CTBP2: variants seen among roughly 807,000 people sequenced by gnomAD.
CTBP2 encodes the protein C-terminal binding protein 2, also known as C-terminal-binding protein 2.
Under a neutral mutation model 80.3 loss-of-function variants are expected in CTBP2, and 30 were observed. The observed-to-expected ratio is 0.37, with a 90% CI of 0.28 to 0.51. The LOEUF (loss-of-function observed/expected upper bound fraction) is 0.51. Ranked by LOEUF, CTBP2 falls within the 20% of genes least tolerant of loss-of-function variation. The probability of loss-of-function intolerance (pLI) is 0.93; values close to 1 mark genes in which losing one functional copy is unlikely to be tolerated. For missense variants in CTBP2, 1,212 were observed against 1,375.3 expected (o/e 0.88, Z 1.88); for synonymous variants, 594 against 587.4 (o/e 1.01, Z -0.16).
At chr10:125,013,737 G>A (rs1956177618) in intron 1 of CTBP2, among the ~76,000 whole-genome samples, 1 of 152,136 alleles carries the variant, frequency 6.6e-6, no homozygotes, top group Non-Finnish European at 1.5e-5. Context: ...ATGGAGTCAG[G>A]ACTCAAACTC....
At chr10:125,102,520 G>C (rs75490304) in intron 2 of CTBP2, among the ~76,000 whole-genome samples, 1 of 152,206 alleles carries the variant, frequency 6.6e-6, no homozygotes, top group East Asian at 1.9e-4. Flanking sequence ...GGGTTTGCAG[G>C]GGGGTGGGGA....
rs111940280 is a variant in CTBP2 at position 124,997,796 on chromosome 10, T to C, written c.2185+168A>G. The C allele has an allele frequency of 2.1e-5, 14 of 654,986 alleles. No individual in the cohort carries two copies. The African/African-American group carries it at 2.4e-4, about 11-fold the overall frequency. 40.6% of individuals were successfully genotyped at this position (654,986 alleles called of 1,614,324 possible). On this transcript the variant is annotated intron_variant, in intron 4 of 8. Transcript: ENST00000309035. ...GATCCTGCCTCTAGGGTGAGTTGCC[T>C]GATGGGTCTTGACTCCGATCTCCTA...
chr10:125,081,388 T>C (rs1049503412), intron 2 of CTBP2, among the ~76,000 whole-genome samples: 2 of 152,246 alleles, frequency 1.3e-5, no homozygotes, highest in Non-Finnish European at 2.9e-5. Flanking sequence ...TCAATGTTAA[T>C]TTCCTGACCT....
chr10:125,123,520 C>T lies in CTBP2; in HGVS notation c.-205-12427G>A, dbSNP rs142388244. Among the ~76,000 whole-genome samples, 83 of 152,296 alleles carry T rather than the reference C, an allele frequency of 5.4e-4. 1 individual carries two copies. The East Asian group carries it at 0.013, about 23-fold the overall frequency. ...AAAATAAGTTTAATTTTTAAAATAA[C>T]AGATTTGTCATTTTTTGGTTTATGT... On this transcript the variant is annotated intron_variant, in intron 1 of 10. Transcript: ENST00000337195.
At chr10:125,116,891 A>C (rs1326258154) in intron 1 of CTBP2, among the ~76,000 whole-genome samples, 2 of 152,212 alleles carry the variant, frequency 1.3e-5, no homozygotes, top group African/African-American at 4.8e-5. Context: ...GCTCTGCCCC[A>C]AAACTGACCT....
At chr10:125,022,252 G>A (rs753204187) in intron 1 of CTBP2, among the ~76,000 whole-genome samples, 1 of 152,214 alleles carries the variant, frequency 6.6e-6, no homozygotes, top group Non-Finnish European at 1.5e-5. Flanking sequence ...TGGCCAAGAA[G>A]CCCTGGAGCT....
intron 2 of CTBP2, among the ~76,000 whole-genome samples, chr10:125,082,726 C>G (rs900591215): frequency 1.3e-5 from 2 of 151,924 alleles, no homozygotes; most frequent in African/African-American, 4.8e-5. Flanking sequence ...TAGCTGCGAC[C>G]ACAGGTGCAC....
chr10:125,160,758 C>A (rs187738747), upstream of CTBP2: 10,645 of 130,094 alleles, frequency 0.082, 614 homozygotes, highest in Admixed American at 0.12. Context: ...CGGCCCCGCG[C>A]CCTCCCGCCC....
intron 2 of CTBP2, among the ~76,000 whole-genome samples, chr10:125,090,744 A>AT (rs745776253): frequency 3.3e-5 from 5 of 151,200 alleles, no homozygotes; most frequent in Non-Finnish European, 7.4e-5. Flanking sequence ...ACAGAGCAAG[A>AT]TCTTGTCTCA....
rs1331629731 is a variant in CTBP2 at position 125,125,894 on chromosome 10, G to A, written c.-205-14801C>T. ...AAATCAGAAGAAGTGTAAACAAGTCGGTCCCCGGATCCCCAACCAACGTTT... is the reference window on the plus strand; with the variant it reads ...AAATCAGAAGAAGTGTAAACAAGTCAGTCCCCGGATCCCCAACCAACGTTT... On this transcript the variant is annotated intron_variant, in intron 1 of 10. Coordinates refer to the CTBP2 transcript ENST00000337195. Among the ~76,000 whole-genome samples, 3 of 152,176 alleles carry A rather than the reference G, an allele frequency of 2.0e-5. No individual in the cohort carries two copies. The East Asian group carries it at 5.8e-4, about 29-fold the overall frequency.
chr10:125,142,131 G>A (rs1857939119), intron 1 of CTBP2, among the ~76,000 whole-genome samples: 1 of 152,214 alleles, frequency 6.6e-6, no homozygotes, highest in Non-Finnish European at 1.5e-5. Context: ...CAGGGGACGG[G>A]GGCGGTTTGC....
At chr10:125,141,706 A>T (rs1347961769) in intron 1 of CTBP2, among the ~76,000 whole-genome samples, 1 of 151,740 alleles carries the variant, frequency 6.6e-6, no homozygotes, top group East Asian at 1.9e-4. Flanking sequence ...CACACGGTAA[A>T]CACTCAGCAA....
chr10:125,010,005 C>T (rs1003310608), intron 1 of CTBP2, among the ~76,000 whole-genome samples: 2 of 152,182 alleles, frequency 1.3e-5, no homozygotes, highest in African/African-American at 2.4e-5. Context: ...GAGCAAGCCA[C>T]GGTGACTCCC....
intron 2 of CTBP2, among the ~76,000 whole-genome samples, chr10:125,051,810 C>A (rs368915487): frequency 1.8e-4 from 28 of 152,140 alleles, no homozygotes; most frequent in African/African-American, 6.3e-4. Context: ...GTCGTTACAG[C>A]GGCAATCAAA....
chr10:125,124,598 T>A (rs1050586507), intron 1 of CTBP2, among the ~76,000 whole-genome samples: 2 of 152,234 alleles, frequency 1.3e-5, no homozygotes, highest in Non-Finnish European at 1.5e-5. Flanking sequence ...TGAATCACTT[T>A]CAAATCATCA....
chr10:124,987,509 G>A lies in CTBP2; in HGVS notation c.*2009C>T, dbSNP rs1952084820. The stretch of plus-strand genomic sequence containing the variant: ...CTTCTTCACATATTCGTGAAGGTAA[G>A]ATATTCTGTGTGCGCTTGGCCTCCT... On this transcript the variant is annotated 3_prime_UTR_variant, in exon 9 of 9. Coordinates refer to ENST00000309035, the MANE Select transcript of CTBP2 (RefSeq NM_022802.3). The A allele has an allele frequency of 1.3e-5, 2 of 152,166 alleles. No homozygotes were observed. The highest frequency in any genetic ancestry group is 6.5e-5 in the Admixed American group (1 of 15,280). 9.4% of individuals were successfully genotyped at this position (152,166 alleles called of 1,614,324 possible).
At chr10:125,156,213 G>A (rs1159356873) in intron 1 of CTBP2, among the ~76,000 whole-genome samples, 4 of 152,134 alleles carry the variant, frequency 2.6e-5, no homozygotes, top group Non-Finnish European at 5.9e-5. Context: ...ACCATGTGCT[G>A]TATGAATATA....
chr10:125,046,046 C>T (rs1961147969), intron 2 of CTBP2, among the ~76,000 whole-genome samples: 1 of 152,084 alleles, frequency 6.6e-6, no homozygotes, highest in African/African-American at 2.4e-5. Flanking sequence ...AGGTATGCTA[C>T]AGAATTCACA....
At chr10:125,102,511 G>A (rs1850787709) in intron 2 of CTBP2, among the ~76,000 whole-genome samples, 1 of 152,234 alleles carries the variant, frequency 6.6e-6, no homozygotes, top group South Asian at 2.1e-4. Context: ...TTAAGCCCAG[G>A]GTTTGCAGGG....
Sources: gnomAD v4.1 joint callset for allele counts (sites outside exome capture counted in the v4.1 genomes callset) on GRCh38, gnomAD v4.1.1 for gene constraint, MANE v1.5 for transcripts, NCBI Gene and HGNC (gene_info 2026-07-23, HGNC 2026-07-21) for gene names.